The following CCDC38 variants were observed in gnomAD, a reference collection of about 807,000 sequenced individuals.
The protein encoded by CCDC38 is coiled-coil domain containing 38.
Under a neutral mutation model 72.8 loss-of-function variants are expected in CCDC38, and 69 were observed. The ratio of observed to expected loss-of-function variants is 0.95; its 90% CI spans 0.78 to 1.16. The LOEUF (loss-of-function observed/expected upper bound fraction) is 1.16, where lower values mean the gene tolerates loss of function less well. CCDC38 is among the 50% of genes most tolerant of loss of function. The pLI, the probability that CCDC38 is intolerant of heterozygous loss-of-function variation, is 0.00. For missense variants in CCDC38, 626 were observed against 638.9 expected, an observed-to-expected ratio of 0.98 and a Z score of 0.22; for synonymous variants, 201 against 213.2, an observed-to-expected ratio of 0.94 and a Z score of 0.50.
intron 12 of CCDC38, 122 bp from the exon 13 acceptor site, chr12:95,878,468 C>T (rs11829518): frequency 0.31 from 282,964 of 903,288 alleles, 48,182 homozygotes; most frequent in Non-Finnish European, 0.34. Context: ...AAATACAAGT[C>T]TGTATTTGAA....
intron 12 of CCDC38, 134 bp from the exon 13 acceptor site, chr12:95,878,480 A>G: frequency 1.3e-6 from 1 of 789,226 alleles, no homozygotes; most frequent in Non-Finnish European, 2.0e-6. Context: ...GTATTTGAAG[A>G]CATTGCCAAA....
intron 4 of CCDC38, among the ~76,000 whole-genome samples, chr12:95,908,298 C>A (rs1408237896): frequency 1.1e-4 from 16 of 150,838 alleles, no homozygotes; most frequent in African/African-American, 2.9e-4. Flanking sequence ...CGTCTCCACC[C>A]AAAAAATAGG....
At position 95,879,569 on chromosome 12, in the gene CCDC38, A is replaced by T; in HGVS notation, c.1142+75T>A. 9.7e-7 allele frequency: 1 copy of T among 1,033,968 alleles called. No individual in the cohort carries two copies. Among genetic ancestry groups the T allele is most frequent in the Non-Finnish European group, 1.4e-6 (1 of 699,674 alleles). The allele number at this position is 1,033,968 out of a possible 1,614,324, so 64.0% of individuals were successfully genotyped here. A position where few individuals can be genotyped will look rare whatever the true frequency, so the allele number is the denominator to read the frequency against. The stretch of plus-strand genomic sequence containing the variant: ...CACAGAGACCACGAGGAAGAGCCAC[A>T]TGTGAGTGAGTTGGACCCAGGCTCT... On this transcript the variant is annotated intron_variant, in intron 12 of 15. Coordinates refer to ENST00000344280, the MANE Select transcript of CCDC38 (RefSeq NM_182496.3). The surrounding 1 kb of genome is among the most constrained non-coding windows in gnomAD (Gnocchi z 5.5).
At chr12:95,919,816 A>G (rs1169436604) in intron 2 of CCDC38, among the ~76,000 whole-genome samples, 1 of 152,240 alleles carries the variant, frequency 6.6e-6, no homozygotes, top group Non-Finnish European at 1.5e-5. Context: ...GTCTTAAAAA[A>G]GAAAGTCAAA....
rs2079670492 is a variant in CCDC38 at position 95,879,182 on chromosome 12, G to C, written c.1142+462C>G. On this transcript the variant is annotated intron_variant, in intron 12 of 15. Coordinates refer to ENST00000344280, the MANE Select transcript of CCDC38 (RefSeq NM_182496.3). This position sits in a 1 kb window ranked among gnomAD's most constrained non-coding sequence, Gnocchi z 5.5. ...CAGAAATCCTTTCTATATTCGCCCTGAGATATTGACAGGAACTTTATAAAA... is the reference window on the plus strand; with the variant it reads ...CAGAAATCCTTTCTATATTCGCCCTCAGATATTGACAGGAACTTTATAAAA... 1.3e-5 allele frequency among the ~76,000 whole-genome samples: 2 copies of C among 152,102 alleles called. No homozygotes were observed. Among genetic ancestry groups the C allele is most frequent in the African/African-American group, 4.8e-5 (2 of 41,404 alleles).
At chr12:95,917,005 T>G in intron 4 of CCDC38, 124 bp downstream of exon 4, 1 of 604,504 alleles carries the variant, frequency 1.7e-6, no homozygotes. Flanking sequence ...CCCCATGTAC[T>G]AAGACTCCCT....
At chr12:95,928,455 A>T (rs1261690066) in intron 2 of CCDC38, among the ~76,000 whole-genome samples, 1 of 152,104 alleles carries the variant, frequency 6.6e-6, no homozygotes, top group East Asian at 1.9e-4. Flanking sequence ...CTTTTTTCAA[A>T]GTTTTCAACT....
intron 5 of CCDC38, among the ~76,000 whole-genome samples, chr12:95,901,938 G>A (rs187040927): frequency 6.3e-4 from 96 of 152,264 alleles, no homozygotes; most frequent in African/African-American, 2.0e-3. Context: ...AAGATGGTAT[G>A]TAATGTGATA....
chr12:95,882,152 A>T (rs2079707579), intron 10 of CCDC38, among the ~76,000 whole-genome samples: 1 of 152,210 alleles, frequency 6.6e-6, no homozygotes, highest in Non-Finnish European at 1.5e-5. Flanking sequence ...ATCAGTGGAA[A>T]CTGATTGCAA....
intron 2 of CCDC38, chr12:95,933,622 A>G (rs2080360777): frequency 6.6e-6 from 1 of 152,236 alleles, no homozygotes. Flanking sequence ...ACACTTTGAC[A>G]TTATTATCTG....
intron 2 of CCDC38, chr12:95,933,127 C>T (rs755402362): frequency 6.6e-6 from 1 of 152,106 alleles, no homozygotes; most frequent in Admixed American, 6.5e-5. Flanking sequence ...ATCATTTAGG[C>T]CTTTGCTAGG....
Position 95,917,245 on chromosome 12 carries a change from G to GA in CCDC38, c.187dup (p.Ser63PhefsTer18), listed in dbSNP as rs1454161575. 1 of 1,604,070 alleles carries GA rather than the reference G, an allele frequency of 6.2e-7. No homozygotes were observed. Among genetic ancestry groups the GA allele is most frequent in the African/African-American group, 1.3e-5 (1 of 74,484 alleles). ...GTATGAATGACTCTTCATTCTGGAT[G>GA]AAAAAGTAGTTTTCTGGTAGACTTT... On this transcript the variant is annotated frameshift_variant, in exon 4 of 16. Transcript: ENST00000344280. LOFTEE classifies it high-confidence loss of function.
chr12:95,885,426 C>CA (rs1305326223), intron 10 of CCDC38: 8 of 178,468 alleles, frequency 4.5e-5, no homozygotes, highest in African/African-American at 1.7e-4. Context: ...AAACTGGTGA[C>CA]ATACACCTGG....
chr12:95,916,180 T>C (rs11108332), intron 4 of CCDC38, among the ~76,000 whole-genome samples: 17,370 of 152,216 alleles, frequency 0.11, 1,291 homozygotes, highest in Non-Finnish European at 0.16. Context: ...CTGCCTATCA[T>C]TTGCTGCTTT....
chr12:95,884,772 C>T (rs1343759680), intron 10 of CCDC38, among the ~76,000 whole-genome samples: 2 of 152,222 alleles, frequency 1.3e-5, no homozygotes, highest in African/African-American at 4.8e-5. Context: ...GTCTCAGTGT[C>T]TCTTCTTTTG....
At chr12:95,930,965 T>C (rs2080331250) in intron 2 of CCDC38, among the ~76,000 whole-genome samples, 1 of 121,722 alleles carries the variant, frequency 8.2e-6, no homozygotes, top group African/African-American at 3.2e-5. Flanking sequence ...ATCCCTGACA[T>C]TACTAATTAA....
At chr12:95,872,190 T>C in intron 14 of CCDC38, 65 bp downstream of exon 14, 11 of 1,417,556 alleles carry the variant, frequency 7.8e-6, no homozygotes, top group African/African-American at 1.4e-5. Context: ...GACTTGCTAA[T>C]GTGTTTGTGG....
rs1437983457 is a variant in CCDC38 at position 95,898,373 on chromosome 12, G to T, written c.614+12C>A. The T allele has an allele frequency of 6.2e-7, 1 of 1,613,744 alleles. No individual in the cohort carries two copies. The highest frequency in any genetic ancestry group is 1.3e-5 in the African/African-American group (1 of 74,920). ...GGAAATTTGGCCACGAGAAGATTGTGCCCACCCTCACCTTTTCACTGCTTG... is the reference window on the plus strand; with the variant it reads ...GGAAATTTGGCCACGAGAAGATTGTTCCCACCCTCACCTTTTCACTGCTTG... On this transcript the variant is annotated intron_variant, in intron 7 of 15. Transcript: ENST00000344280.
rs550123153 is a variant in CCDC38 at position 95,906,402 on chromosome 12, G to A, written c.354C>T (p.Asp118=). 1.7e-5 allele frequency: 27 copies of A among 1,612,390 alleles called. No homozygotes were observed. Among genetic ancestry groups the A allele is most frequent in the Admixed American group, 1.0e-4 (6 of 59,926 alleles). ...TVHEFINDQR[D]RFLLEYALST... ...TTTTTACTACCTCGAGCAGAAACCT[G>A]TCTCTCTGGTCATTAATAAATTCAT... The change falls in exon 5 of 16, where the codon GAC becomes GAT. Residue 118 remains aspartate (D), a synonymous_variant. Coordinates refer to ENST00000344280, the MANE Select transcript of CCDC38 (RefSeq NM_182496.3).
Sources: allele counts gnomAD v4.1 joint callset (sites outside exome capture counted in the v4.1 genomes callset), GRCh38; gene constraint gnomAD v4.1.1; non-coding constraint Gnocchi (gnomAD v3.1); transcripts MANE v1.5; gene names NCBI Gene and HGNC (gene_info 2026-07-23, HGNC 2026-07-21).